Variants in SLC4A10 observed in about 807,000 individuals in gnomAD.
SLC4A10 encodes solute carrier family 4 member 10.
In SLC4A10, 42 loss-of-function variants were observed where a neutral mutation model predicts 137.7. That is an observed-to-expected ratio of 0.30 (90% CI 0.24 to 0.39). The LOEUF is 0.39. Ranked by LOEUF, SLC4A10 falls within the 10% of genes least tolerant of loss-of-function variation. The pLI is 1.00. For synonymous variants in SLC4A10, 474 were observed against 464.1 expected, an observed-to-expected ratio of 1.02 and a Z score of -0.27; for missense variants, 925 against 1,355.0, an observed-to-expected ratio of 0.68 and a Z score of 4.98.
At chr2:161,957,297 A>C (rs10221808) in intron 20 of SLC4A10, 57 bp downstream of exon 20, 3 of 1,536,968 alleles carry the variant, frequency 2.0e-6, no homozygotes, top group Non-Finnish European at 8.8e-7. Flanking sequence ...CATCATTTAA[A>C]ATTTTCATTT....
In SLC4A10 at chr2:161,749,390, T is replaced by G. The variant is rs544546216; in HGVS notation, c.49-21583T>G. 1.1e-4 allele frequency among the ~76,000 whole-genome samples: 17 copies of G among 152,174 alleles called. No individual in the cohort carries two copies. The East Asian group carries it at 3.1e-3, about 28-fold the overall frequency. Reference sequence around the variant, plus strand: ...GCTTTCAGTTTTCCCCAGTTGATTATGATGTTAATTGTGGACTTTTCATAA... The same window carrying G: ...GCTTTCAGTTTTCCCCAGTTGATTAGGATGTTAATTGTGGACTTTTCATAA... On this transcript the variant is annotated intron_variant, in intron 1 of 26. Transcript: ENST00000446997.
At chr2:161,690,750 G>C (rs2041899157) in intron 1 of SLC4A10, among the ~76,000 whole-genome samples, 1 of 152,078 alleles carries the variant, frequency 6.6e-6, no homozygotes, top group Non-Finnish European at 1.5e-5. Context: ...GAGAACACAT[G>C]GATATAGGGA....
intron 2 of SLC4A10, among the ~76,000 whole-genome samples, chr2:161,792,338 G>A (rs1053436477): frequency 2.6e-5 from 4 of 151,894 alleles, no homozygotes; most frequent in African/African-American, 9.7e-5. Flanking sequence ...TATTTTTCTT[G>A]AAAATTATTT....
At chr2:161,979,527 A>T (rs2106008669) in intron 26 of SLC4A10, among the ~76,000 whole-genome samples, 1 of 152,324 alleles carries the variant, frequency 6.6e-6, no homozygotes, top group African/African-American at 2.4e-5. Flanking sequence ...TTTCCATGTG[A>T]GAAACATCTT....
chr2:161,928,472 T>G lies in SLC4A10; in HGVS notation c.1998-14320T>G, dbSNP rs868226543. Among the ~76,000 whole-genome samples the G allele has an allele frequency of 2.0e-3, 299 of 150,796 alleles. 1 individual carries two copies. Among genetic ancestry groups the G allele is most frequent in the African/African-American group, 6.7e-3 (274 of 41,048 alleles). On this transcript the variant is annotated intron_variant, in intron 15 of 26. Transcript: ENST00000446997. ...CACCAGCATGGCACATGTATACATA[T>G]GTAACTAACCTGCACATTGTGTACA...
Position 161,702,820 on chromosome 2 carries a change from G to A in SLC4A10, c.49-68153G>A, listed in dbSNP as rs543560392. ...TCCTAAGTATGTTCTCTATGGATCA[G>A]CAGTGTATCTTTGTCTATAAGCGTA... is the stretch of plus-strand genomic sequence containing the variant. On this transcript the variant is annotated intron_variant, in intron 1 of 26. Transcript: ENST00000446997. Among the ~76,000 whole-genome samples, 4 of 151,920 alleles carry A rather than the reference G, an allele frequency of 2.6e-5. No homozygotes were observed. In the East Asian group the frequency reaches 7.7e-4, roughly 29 times the overall value.
intron 3 of SLC4A10, among the ~76,000 whole-genome samples, chr2:161,834,411 G>A (rs370771102): frequency 2.6e-5 from 4 of 152,034 alleles, no homozygotes; most frequent in Non-Finnish European, 2.9e-5. Flanking sequence ...TATAGCTACC[G>A]GAATGGAACA....
At chr2:161,676,082 A>G (rs1446649846) in intron 1 of SLC4A10, among the ~76,000 whole-genome samples, 1 of 152,214 alleles carries the variant, frequency 6.6e-6, no homozygotes, top group Non-Finnish European at 1.5e-5. Context: ...TGTTCCAGGA[A>G]TCACTTGAAA....
intron 15 of SLC4A10, among the ~76,000 whole-genome samples, chr2:161,928,385 G>T (rs1320885708): frequency 3.4e-4 from 33 of 97,314 alleles, no homozygotes; most frequent in African/African-American, 1.2e-3. Flanking sequence ...GGTGGGGGGA[G>T]GGGGGAGGGA....
At chr2:161,668,661 A>G (rs1160585636) in intron 1 of SLC4A10, among the ~76,000 whole-genome samples, 5 of 151,914 alleles carry the variant, frequency 3.3e-5, no homozygotes, top group Non-Finnish European at 7.4e-5. Context: ...AACTTTCATT[A>G]CATATATTTC....
chr2:161,713,551 A>G (rs896795805), intron 1 of SLC4A10, among the ~76,000 whole-genome samples: 6 of 151,800 alleles, frequency 4.0e-5, no homozygotes, highest in South Asian at 2.1e-4. Context: ...TGTAAACTCC[A>G]TTTTATTGGT....
At chr2:161,962,578 A>G (rs1056686560) in intron 21 of SLC4A10, among the ~76,000 whole-genome samples, 1 of 152,214 alleles carries the variant, frequency 6.6e-6, no homozygotes, top group Non-Finnish European at 1.5e-5. Context: ...GTACATGGAC[A>G]GAATGGAGAG....
chr2:161,839,551 A>G (rs1442887953), intron 3 of SLC4A10, among the ~76,000 whole-genome samples: 1 of 152,030 alleles, frequency 6.6e-6, no homozygotes, highest in East Asian at 1.9e-4. Context: ...TTATATGTAT[A>G]CATTAATATA....
intron 2 of SLC4A10, among the ~76,000 whole-genome samples, chr2:161,774,947 T>A (rs912311914): frequency 6.6e-6 from 1 of 151,892 alleles, no homozygotes; most frequent in Non-Finnish European, 1.5e-5. Flanking sequence ...ACTTGGTAGT[T>A]GGCAGGAGCA....
chr2:161,874,061 T>C (rs1042739625), intron 8 of SLC4A10, 56 bp downstream of exon 8: 4 of 1,470,264 alleles, frequency 2.7e-6, no homozygotes, highest in Non-Finnish European at 3.7e-6. Context: ...TTTCACTGTA[T>C]GGAGGCATGT....
intron 1 of SLC4A10, among the ~76,000 whole-genome samples, chr2:161,724,520 T>C (rs3849341): frequency 0.83 from 126,784 of 152,148 alleles, 52,886 homozygotes; most frequent in Middle Eastern, 0.88. Flanking sequence ...GTGAACAAGA[T>C]AGATATAATC....
At chr2:161,624,914 G>A (rs963852605) in intron 1 of SLC4A10, among the ~76,000 whole-genome samples, 1 of 152,066 alleles carries the variant, frequency 6.6e-6, no homozygotes, top group Non-Finnish European at 1.5e-5. Flanking sequence ...GCTGGTTTAA[G>A]CCCTTGCAGA....
chr2:161,846,051 C>A (rs1186182078), intron 4 of SLC4A10, among the ~76,000 whole-genome samples: 26 of 151,988 alleles, frequency 1.7e-4, no homozygotes, highest in Admixed American at 1.7e-3. Flanking sequence ...AAGCTACAGA[C>A]AGAAAGTATT....
intron 11 of SLC4A10, among the ~76,000 whole-genome samples, chr2:161,895,568 G>T (rs2063388071): frequency 6.6e-6 from 1 of 152,122 alleles, no homozygotes; most frequent in African/African-American, 2.4e-5. Context: ...ATCCTCTCCA[G>T]CACCTGTTGT....
Sources: allele counts gnomAD v4.1 joint callset (sites outside exome capture counted in the v4.1 genomes callset), GRCh38; gene constraint gnomAD v4.1.1; transcripts MANE v1.5; gene names NCBI Gene and HGNC (gene_info 2026-07-23, HGNC 2026-07-21).